WNK1: variants seen among roughly 807,000 people sequenced by gnomAD.
The protein encoded by WNK1 is serine/threonine-protein kinase WNK1.
Under a neutral mutation model 222.8 loss-of-function variants are expected in WNK1, and 38 were observed. The observed-to-expected ratio is 0.17, with a 90% CI of 0.13 to 0.22. WNK1 has a LOEUF of 0.22. Ranked by LOEUF, WNK1 falls within the 10% of genes least tolerant of loss-of-function variation. The probability of loss-of-function intolerance (pLI) is 1.00; values close to 1 mark genes in which losing one functional copy is unlikely to be tolerated. For synonymous variants in WNK1, 1,090 were observed against 1,092.9 expected (o/e 1.00, Z 0.05); for missense variants, 2,348 against 2,918.4 (o/e 0.80, Z 4.50).
chr12:865,240 C>T lies in WNK1; in HGVS notation c.2139+2970C>T, dbSNP rs562247853. 861 of 1,536,112 alleles carry T rather than the reference C, an allele frequency of 5.6e-4. 3 individuals carry two copies. The African/African-American group carries it at 9.1e-3, about 16-fold the overall frequency. On this transcript the variant is annotated intron_variant, in intron 8 of 27. Coordinates refer to ENST00000315939, the MANE Select transcript of WNK1 (RefSeq NM_018979.4). ...TGCACCTCTTTCTCCTTCCCTCCTC[C>T]GGACTGCCCCGAGGAAACTTTTGCC... is the stretch of plus-strand genomic sequence containing the variant.
chr12:780,870 A>T (rs1943623445), intron 1 of WNK1, among the ~76,000 whole-genome samples: 1 of 152,226 alleles, frequency 6.6e-6, no homozygotes, highest in Admixed American at 6.5e-5. Context: ...TCTCACAGTC[A>T]AAAAGGATTT....
chr12:754,015 C>A lies in WNK1; in HGVS notation c.450C>A (p.Gly150=). The change falls in exon 1 of 28, where the codon GGC becomes GGA. Residue 150 remains glycine (G), a synonymous_variant. Coordinates refer to ENST00000315939, the MANE Select transcript of WNK1 (RefSeq NM_018979.4). ...AAAPGEQAVA[G]PAPSTVPSST... is the part of the protein sequence containing the mutation. ...CCCCTGGGGAACAGGCCGTCGCGGG[C>A]CCTGCCCCCTCGACTGTCCCCAGCA... 1 of 1,586,940 alleles carries A rather than the reference C, an allele frequency of 6.3e-7. No homozygotes were observed. Among genetic ancestry groups the A allele is most frequent in the Non-Finnish European group, 8.6e-7 (1 of 1,167,072 alleles).
At position 910,287 on chromosome 12, in the gene WNK1, T is replaced by TATCAATC. The variant is rs3072752; in HGVS notation, c.*1498_*1499insAATCATC. The TATCAATC allele has an allele frequency of 2.6e-5, 4 of 151,824 alleles. No individual in the cohort carries two copies. The highest frequency in any genetic ancestry group is 4.8e-5 in the African/African-American group (2 of 41,342). The allele number at this position is 151,824 out of a possible 1,614,324, so 9.4% of individuals were successfully genotyped here. A position where few individuals can be genotyped will look rare whatever the true frequency, so the allele number is the denominator to read the frequency against. On this transcript the variant is annotated 3_prime_UTR_variant, in exon 28 of 28. Transcript: ENST00000315939. ...TACTACATTTTGTGGAAAGTTAATC[T>TATCAATC]ATCTATCTTTCCACATCTGAATTAA...
chr12:884,736 G>T lies in WNK1; in HGVS notation c.3932G>T (p.Arg1311Ile), dbSNP rs773117623. ...CTACAACAGGCCTTTTCTGAACTTA[G>T]ACGTGCCCAAATGACAGAAGGACCC... ...LSLQQAFSEL[R>I]RAQMTEGPNT... The change falls in exon 19 of 28, where the codon AGA becomes ATA. Residue 1311 changes from arginine to isoleucine, a missense_variant. By Grantham distance (97) the Arg-to-Ile change is moderately conservative (BLOSUM62 -3). Transcript: ENST00000315939. The surrounding 1 kb of genome is among the most constrained non-coding windows in gnomAD (Gnocchi z 5.6). The T allele has an allele frequency of 6.2e-6, 10 of 1,614,014 alleles. No homozygotes were observed. Among genetic ancestry groups the T allele is most frequent in the Middle Eastern group, 1.6e-4 (1 of 6,084 alleles).
At chr12:862,031 T>C in intron 7 of WNK1, 52 bp from the exon 8 acceptor site, 2 of 1,608,034 alleles carry the variant, frequency 1.2e-6, no homozygotes, top group East Asian at 4.5e-5. Context: ...ACCTCCATTT[T>C]GTGATTTGTC....
chr12:759,518 A>T (rs1329491727), intron 1 of WNK1, among the ~76,000 whole-genome samples: 3 of 147,052 alleles, frequency 2.0e-5, no homozygotes, highest in Admixed American at 6.7e-5. Context: ...TTTAGTAGAG[A>T]TGGGGTTTCA....
intron 1 of WNK1, among the ~76,000 whole-genome samples, chr12:808,107 ACCT>A (rs1457962705): frequency 1.3e-5 from 2 of 150,482 alleles, no homozygotes; most frequent in East Asian, 4.1e-4. Context: ...CTTCAGGAAG[ACCT>A]CCTGCAAGAC....
rs1221559079 is a variant in WNK1, at chr12:908,963, T to TC, written c.*176dup. 1 of 743,418 alleles carries TC rather than the reference T, an allele frequency of 1.3e-6. No individual in the cohort carries two copies. The highest frequency in any genetic ancestry group is 1.8e-5 in the African/African-American group (1 of 56,940). 46.1% of individuals were successfully genotyped at this position (743,418 alleles called of 1,614,324 possible). ...CATTGAGCCCTCAGAATGGAGAGTC[T>TC]CCCCCGCTCCAGTTATTGGAATGGG... On this transcript the variant is annotated 3_prime_UTR_variant, in exon 28 of 28. Coordinates refer to ENST00000315939, the MANE Select transcript of WNK1 (RefSeq NM_018979.4).
chr12:775,957 T>TA (rs1943036966), intron 1 of WNK1, among the ~76,000 whole-genome samples: 1 of 152,164 alleles, frequency 6.6e-6, no homozygotes, highest in Admixed American at 6.5e-5. Flanking sequence ...ATTTTTGTTT[T>TA]AAAAGCTGAG....
intron 1 of WNK1, 122 bp downstream of exon 1, chr12:754,446 G>A (rs1268152772): frequency 8.0e-7 from 1 of 1,243,058 alleles, no homozygotes; most frequent in Non-Finnish European, 1.2e-6. Flanking sequence ...GGACGGGGAG[G>A]CCAACTTTTG....
intron 8 of WNK1, 81 bp downstream of exon 8, chr12:862,351 C>G (rs1951283244): frequency 6.9e-7 from 1 of 1,439,486 alleles, no homozygotes. Context: ...TTGTACAAAC[C>G]AAGTAACAGT....
At chr12:801,310 C>T (rs761969362) in intron 1 of WNK1, among the ~76,000 whole-genome samples, 1 of 152,084 alleles carries the variant, frequency 6.6e-6, no homozygotes, top group Non-Finnish European at 1.5e-5. Flanking sequence ...TCACGTGTAT[C>T]GCTCTTTGGT....
intron 26 of WNK1, among the ~76,000 whole-genome samples, chr12:902,801 G>C (rs776544289): frequency 6.6e-6 from 1 of 152,256 alleles, no homozygotes; most frequent in Non-Finnish European, 1.5e-5. Flanking sequence ...TGATGAGTCA[G>C]TGCCTACCTG....
At chr12:888,563 T>C (rs1953894307) in intron 20 of WNK1, among the ~76,000 whole-genome samples, 1 of 151,978 alleles carries the variant, frequency 6.6e-6, no homozygotes, top group African/African-American at 2.4e-5. Flanking sequence ...TGTGGAAGGG[T>C]AGAAGGAAGC....
rs1013848951 is a variant in WNK1, at chr12:884,880, C to A, written c.4076C>A (p.Thr1359Lys). 3.7e-6 allele frequency: 6 copies of A among 1,614,076 alleles called. No homozygotes were observed. The African/African-American group carries it at 8.0e-5, about 22-fold the overall frequency. Residue 1359 changes from threonine (T) to lysine (K), a missense_variant, in exon 19 of 28, where the codon ACA becomes AAA. Coordinates refer to ENST00000315939, the MANE Select transcript of WNK1 (RefSeq NM_018979.4). This position sits in a 1 kb window ranked among gnomAD's most constrained non-coding sequence, Gnocchi z 5.6. ...TAAATAPVPATSSPPNDISTS... is the reference protein window; with the variant it reads ...TAAATAPVPAKSSPPNDISTS... Reference sequence around the variant, plus strand: ...GCAGCCACAGCACCAGTCCCTGCAACAAGCAGCCCTCCTAATGACATTTCC... The same window carrying A: ...GCAGCCACAGCACCAGTCCCTGCAAAAAGCAGCCCTCCTAATGACATTTCC...
intron 4 of WNK1, among the ~76,000 whole-genome samples, chr12:832,733 A>T (rs1013780330): frequency 6.6e-6 from 1 of 152,222 alleles, no homozygotes; most frequent in Non-Finnish European, 1.5e-5. Context: ...CTGAGGCCTT[A>T]CTGTTAAATT....
At chr12:907,280 C>T (rs1432429146) in intron 26 of WNK1, among the ~76,000 whole-genome samples, 1 of 148,096 alleles carries the variant, frequency 6.8e-6, no homozygotes, top group Non-Finnish European at 1.5e-5. Flanking sequence ...AGGATCGTAC[C>T]ACTGCACTCC....
Position 909,849 on chromosome 12 carries a change from A to T in WNK1, c.*1057A>T, listed in dbSNP as rs1955964817. 6.6e-6 allele frequency: 1 copy of T among 152,232 alleles called. No individual in the cohort carries two copies. The highest frequency in any genetic ancestry group is 2.1e-4 in the South Asian group (1 of 4,832). The allele number at this position is 152,232 out of a possible 1,614,324, so 9.4% of individuals were successfully genotyped here. A position where few individuals can be genotyped will look rare whatever the true frequency, so the allele number is the denominator to read the frequency against. Reference sequence around the variant, plus strand: ...AATTGAAAAAGTATTTTTTTAAGTCATTCAACAACTTTGTCTAGAGCAGGT... The same window carrying T: ...AATTGAAAAAGTATTTTTTTAAGTCTTTCAACAACTTTGTCTAGAGCAGGT... On this transcript the variant is annotated 3_prime_UTR_variant, in exon 28 of 28. Transcript: ENST00000315939.
At chr12:829,323 C>T (rs1182150227) in intron 3 of WNK1, among the ~76,000 whole-genome samples, 1 of 152,138 alleles carries the variant, frequency 6.6e-6, no homozygotes, top group African/African-American at 2.4e-5. Context: ...TCCCTCACTA[C>T]ATTTCTTGTG....
Sources: allele counts gnomAD v4.1 joint callset (sites outside exome capture counted in the v4.1 genomes callset), GRCh38; gene constraint gnomAD v4.1.1; non-coding constraint Gnocchi (gnomAD v3.1); transcripts MANE v1.5; gene names NCBI Gene and HGNC (gene_info 2026-07-23, HGNC 2026-07-21).